SPINK13: variants seen among roughly 807,000 people sequenced by gnomAD.
SPINK13 encodes serine protease inhibitor Kazal-type 13.
SPINK13 carries 11 observed loss-of-function variants against 11.0 expected under a neutral mutation model. The observed-to-expected ratio is 1.00, with a 90% CI of 0.63 to 1.65. The LOEUF (loss-of-function observed/expected upper bound fraction) is 1.65. Ranked by LOEUF, SPINK13 falls within the 40% of genes most tolerant of loss-of-function variation. The pLI is 0.00. For synonymous variants in SPINK13, 31 were observed against 35.6 expected (o/e 0.87, Z 0.46); for missense variants, 113 against 117.7 (o/e 0.96, Z 0.19).
Position 148,282,194 on chromosome 5 carries a change from A to G in SPINK13, c.199A>G (p.Thr67Ala), listed in dbSNP as rs751567296. The G allele has an allele frequency of 5.0e-6, 8 of 1,614,214 alleles. No homozygotes were observed. Among genetic ancestry groups the G allele is most frequent in the Admixed American group, 3.3e-5 (2 of 60,020 alleles). ...ACCTGTTTGTGCCTCAAATGGCCAC[A>G]CTTTCCAGAATGAGTGTTTCTTTTG... ...TAPVCASNGH[T>A]FQNECFFCVE... is the part of the protein sequence containing the mutation. Residue 67 changes from threonine (T) to alanine (A), a missense_variant, in exon 4 of 5, where the codon ACT (threonine) becomes GCT (alanine). Coordinates refer to ENST00000398450, the MANE Select transcript of SPINK13 (RefSeq NM_001040129.3).
At chr5:148,276,971 C>G (rs563586707) in intron 3 of SPINK13, among the ~76,000 whole-genome samples, 1 of 152,136 alleles carries the variant, frequency 6.6e-6, no homozygotes, top group Non-Finnish European at 1.5e-5. Context: ...GTTTGTAGTT[C>G]TCCTTGAAGA....
At chr5:148,269,652 G>A (rs1756317500) in intron 1 of SPINK13, among the ~76,000 whole-genome samples, 1 of 152,128 alleles carries the variant, frequency 6.6e-6, no homozygotes, top group African/African-American at 2.4e-5. Flanking sequence ...GAATTCTTAT[G>A]AATTCTTTAC....
chr5:148,275,422 T>C (rs1756410791), intron 3 of SPINK13, among the ~76,000 whole-genome samples: 1 of 152,194 alleles, frequency 6.6e-6, no homozygotes, highest in Admixed American at 6.5e-5. Flanking sequence ...TTTGCTATTG[T>C]GAATAGTGCT....
chr5:148,270,012 CTA>C, intron 1 of SPINK13, 26 bp from the exon 2 acceptor site: 1 of 1,555,640 alleles, frequency 6.4e-7, no homozygotes, highest in Non-Finnish European at 8.9e-7. Flanking sequence ...GTGGGGGAAA[CTA>C]AAAACAATCT....
At position 148,270,519 on chromosome 5, in the gene SPINK13, A is replaced by T. The variant is rs1489880472; in HGVS notation, c.70+377A>T. Among the ~76,000 whole-genome samples, 6 of 152,330 alleles carry T rather than the reference A, an allele frequency of 3.9e-5. No individual in the cohort carries two copies. In the South Asian group the frequency reaches 8.3e-4, roughly 21 times the overall value. ...TGATAATGAAAAATAAGCCAATGAAAAAAGCTATTTCTGTGATTGATGTTG... is the reference window on the plus strand; with the variant it reads ...TGATAATGAAAAATAAGCCAATGAATAAAGCTATTTCTGTGATTGATGTTG... On this transcript the variant is annotated intron_variant, in intron 2 of 4. Coordinates refer to ENST00000398450, the MANE Select transcript of SPINK13 (RefSeq NM_001040129.3).
rs142578643 is a variant in SPINK13 at position 148,281,564 on chromosome 5, C to T, written c.109-540C>T. 7.7e-3 allele frequency among the ~76,000 whole-genome samples: 1,173 copies of T among 152,210 alleles called. 14 individuals carry two copies. Among genetic ancestry groups the T allele is most frequent in the Non-Finnish European group, 0.013 (879 of 68,022 alleles). On this transcript the variant is annotated intron_variant, in intron 3 of 4. Coordinates refer to ENST00000398450, the MANE Select transcript of SPINK13 (RefSeq NM_001040129.3). ...GAGTTCCCTGACCCATTGCACTTCCCGGGTGAGGTGGCGCCCCACTCTGCT... is the reference window on the plus strand; with the variant it reads ...GAGTTCCCTGACCCATTGCACTTCCTGGGTGAGGTGGCGCCCCACTCTGCT...
intron 2 of SPINK13, among the ~76,000 whole-genome samples, chr5:148,273,946 T>C (rs147241532): frequency 6.6e-6 from 1 of 152,322 alleles, no homozygotes; most frequent in African/African-American, 2.4e-5. Flanking sequence ...TTCAGCATCT[T>C]GGTAGGAACT....
chr5:148,277,787 T>C (rs1581166437), intron 3 of SPINK13, among the ~76,000 whole-genome samples: 1 of 152,192 alleles, frequency 6.6e-6, no homozygotes, highest in African/African-American at 2.4e-5. Flanking sequence ...GCTGGCCTCA[T>C]AAAATGAGTT....
At position 148,270,079 on chromosome 5, in the gene SPINK13, G is replaced by A. The variant is rs1468444765; in HGVS notation, c.7G>A (p.Ala3Thr). The change falls in exon 2 of 5, where the codon GCC becomes ACC. Residue 3 changes from alanine to threonine, a missense_variant. Coordinates refer to ENST00000398450, the MANE Select transcript of SPINK13 (RefSeq NM_001040129.3). MAAFPHKIIFFLV... is the reference protein window; with the variant it reads MATFPHKIIFFLV... ...GAGTCTTATATGAGATCAAATGGCT[G>A]CCTTTCCCCACAAGATTATATTTTT... 6.2e-7 allele frequency: 1 copy of A among 1,613,974 alleles called. No individual in the cohort carries two copies. The highest frequency in any genetic ancestry group is 1.7e-5 in the Admixed American group (1 of 60,016).
At chr5:148,280,274 G>T (rs926346131) in intron 3 of SPINK13, among the ~76,000 whole-genome samples, 1 of 152,064 alleles carries the variant, frequency 6.6e-6, no homozygotes, top group African/African-American at 2.4e-5. Flanking sequence ...ACCTTCTGAA[G>T]CCTACTTCTG....
chr5:148,281,735 T>C (rs1410798926), intron 3 of SPINK13, among the ~76,000 whole-genome samples: 1 of 151,858 alleles, frequency 6.6e-6, no homozygotes, highest in Non-Finnish European at 1.5e-5. Flanking sequence ...TATTCAGCTA[T>C]CTTGCCTGCA....
intron 3 of SPINK13, among the ~76,000 whole-genome samples, chr5:148,281,053 C>A (rs1316311285): frequency 6.6e-6 from 1 of 152,174 alleles, no homozygotes; most frequent in Non-Finnish European, 1.5e-5. Flanking sequence ...TCCACCCAGT[C>A]GGAACTTCCC....
At chr5:148,283,092 T>C (rs1350962130) in intron 4 of SPINK13, among the ~76,000 whole-genome samples, 2 of 152,022 alleles carry the variant, frequency 1.3e-5, no homozygotes, top group African/African-American at 4.8e-5. Context: ...AGCTGTCTTC[T>C]CCCAGTGGAC....
chr5:148,277,665 G>T (rs1756452030), intron 3 of SPINK13, among the ~76,000 whole-genome samples: 1 of 152,198 alleles, frequency 6.6e-6, no homozygotes, highest in African/African-American at 2.4e-5. Flanking sequence ...ATGTGCTGCT[G>T]GATTCAGTTT....
intron 4 of SPINK13, among the ~76,000 whole-genome samples, chr5:148,283,122 T>C (rs1253033894): frequency 2.0e-5 from 3 of 152,088 alleles, no homozygotes; most frequent in East Asian, 3.9e-4. Context: ...CGATACTTAA[T>C]TCTCCCTGCT....
intron 3 of SPINK13, among the ~76,000 whole-genome samples, chr5:148,280,708 G>C (rs1756499641): frequency 6.6e-6 from 1 of 152,206 alleles, no homozygotes; most frequent in Non-Finnish European, 1.5e-5. Context: ...TCCTCTTTGA[G>C]GTGTCCGTAG....
At chr5:148,284,885 A>G (rs1404275761) in intron 4 of SPINK13, among the ~76,000 whole-genome samples, 2 of 152,240 alleles carry the variant, frequency 1.3e-5, no homozygotes, top group African/African-American at 4.8e-5. Context: ...CTGGTAATAT[A>G]TGCTAGGAAA....
rs982037153 is a variant in SPINK13, at chr5:148,280,091, G to T, written c.109-2013G>T. Among the ~76,000 whole-genome samples the T allele has an allele frequency of 7.9e-5, 12 of 152,102 alleles. No homozygotes were observed. In the East Asian group the frequency reaches 2.3e-3, roughly 29 times the overall value. On this transcript the variant is annotated intron_variant, in intron 3 of 4. Transcript: ENST00000398450. ...GATTGATTTGGCTATTGATACTCGT[G>T]TATGCTTCATGAAGTTCTCATGCTG...
intron 3 of SPINK13, among the ~76,000 whole-genome samples, chr5:148,280,254 G>T (rs1020789179): frequency 6.6e-6 from 1 of 152,100 alleles, no homozygotes; most frequent in Non-Finnish European, 1.5e-5. Flanking sequence ...AGAGAAGCTT[G>T]TTATTACCCA....
Sources: gnomAD v4.1 joint callset for allele counts (sites outside exome capture counted in the v4.1 genomes callset) on GRCh38, gnomAD v4.1.1 for gene constraint, MANE v1.5 for transcripts, NCBI Gene and HGNC (gene_info 2026-07-23, HGNC 2026-07-21) for gene names.